ATXN1: variants seen among roughly 807,000 people sequenced by gnomAD.
ATXN1 encodes ataxin-1.
A neutral mutation model predicts 56.4 loss-of-function variants in ATXN1; 8 were observed. That is an observed-to-expected ratio of 0.14 (90% CI 0.08 to 0.26). The LOEUF is 0.26. Among genes scored for constraint, ATXN1 ranks in the 10% least tolerant of loss-of-function variants. ATXN1 has a pLI of 1.00. For missense variants in ATXN1, 987 were observed against 1,106.5 expected (o/e 0.89, Z 1.53); for synonymous variants, 514 against 494.6 (o/e 1.04, Z -0.52).
intron 4 of ATXN1, among the ~76,000 whole-genome samples, chr6:16,562,426 G>A (rs552141989): frequency 7.3e-6 from 1 of 136,154 alleles, no homozygotes; most frequent in Admixed American, 7.5e-5. Context: ...ATGGGGAAGG[G>A]GAAGGAGAAG....
At chr6:16,588,654 C>G (rs1241582601) in intron 3 of ATXN1, among the ~76,000 whole-genome samples, 2 of 152,138 alleles carry the variant, frequency 1.3e-5, no homozygotes, top group Admixed American at 6.5e-5. Flanking sequence ...TTTTCCCCCA[C>G]GAATCAATAA....
intron 3 of ATXN1, among the ~76,000 whole-genome samples, chr6:16,607,723 C>T (rs1396643473): frequency 1.3e-5 from 2 of 152,102 alleles, no homozygotes; most frequent in Non-Finnish European, 2.9e-5. Context: ...CAAGCATATC[C>T]CCAAATTCCT....
intron 3 of ATXN1, among the ~76,000 whole-genome samples, chr6:16,593,992 AAT>A (rs1240822910): frequency 6.7e-6 from 1 of 148,684 alleles, no homozygotes; most frequent in African/African-American, 2.5e-5. Flanking sequence ...ATATTAGACT[AAT>A]ATATGTCTAT....
chr6:16,400,618 C>A (rs1157227374), intron 6 of ATXN1, among the ~76,000 whole-genome samples: 1 of 152,240 alleles, frequency 6.6e-6, no homozygotes, highest in Non-Finnish European at 1.5e-5. Context: ...ACAGTGGCAA[C>A]AACCACATTC....
In ATXN1 at chr6:16,409,811, G is replaced by C. The variant is rs192402685; in HGVS notation, c.-161+76161C>G. 4.0e-3 allele frequency among the ~76,000 whole-genome samples: 611 copies of C among 152,206 alleles called. 1 individual carries two copies. Among genetic ancestry groups the C allele is most frequent in the Non-Finnish European group, 5.6e-3 (380 of 68,006 alleles). ...CCACCCCACAGCCTCACATGTCTTG[G>C]TTTGCGGCTTTTAAACAGCGAGTTC... On this transcript the variant is annotated intron_variant, in intron 6 of 7. Transcript: ENST00000436367.
At chr6:16,404,686 A>G (rs549076930) in intron 6 of ATXN1, among the ~76,000 whole-genome samples, 81 of 132,000 alleles carry the variant, frequency 6.1e-4, no homozygotes, top group African/African-American at 2.1e-3. Context: ...ACGCACATGC[A>G]CGCGCACTCG....
At chr6:16,522,489 T>C (rs6459473) in intron 5 of ATXN1, 138 bp downstream of exon 5, 50,164 of 151,682 alleles carry the variant, frequency 0.33, 8,291 homozygotes, top group Admixed American at 0.35. Context: ...AGTCAAAGAA[T>C]AGGAAAAATA....
chr6:16,349,700 A>ATT (rs1761527974), intron 6 of ATXN1, among the ~76,000 whole-genome samples: 1 of 152,148 alleles, frequency 6.6e-6, no homozygotes, highest in Non-Finnish European at 1.5e-5. Flanking sequence ...TAAGTCTCTA[A>ATT]AATTGTCTTC....
In ATXN1 at chr6:16,326,550, T is replaced by C. The variant is rs1236314681; in HGVS notation, c.1761A>G (p.Leu587=). The change falls in exon 7 of 8, where the codon CTA becomes CTG. Residue 587 remains leucine (L), a synonymous_variant. Coordinates refer to ENST00000436367, the MANE Select transcript of ATXN1 (RefSeq NM_001128164.2). This position sits in a 1 kb window ranked among gnomAD's most constrained non-coding sequence, Gnocchi z 6.6. ...CTGTTTTTAAGTCTTCCACCTTCTT[T>C]AGCTCCCCGTTGGCCAACTGGATGA... ...GSIIQLANGE[L]KKVEDLKTED... is the part of the protein sequence containing the mutation. 6.2e-7 allele frequency: 1 copy of C among 1,614,166 alleles called. No individual in the cohort carries two copies. The highest frequency in any genetic ancestry group is 8.5e-7 in the Non-Finnish European group (1 of 1,180,018).
chr6:16,372,647 C>G (rs1259390387), intron 6 of ATXN1, among the ~76,000 whole-genome samples: 1 of 152,172 alleles, frequency 6.6e-6, no homozygotes, highest in Non-Finnish European at 1.5e-5. Flanking sequence ...GGCACAGTGG[C>G]TCATGTCTGT....
rs574620669 is a variant in ATXN1 at position 16,341,708 on chromosome 6, A to G, written c.-160-13238T>C. Among the ~76,000 whole-genome samples the G allele has an allele frequency of 3.9e-4, 59 of 150,178 alleles. No individual in the cohort carries two copies. In the South Asian group the frequency reaches 5.1e-3, roughly 13 times the overall value. Reference sequence around the variant, plus strand: ...TAATTTTTTTGTATTTTTAGTAGAGATGGGGTTTCACCGTGTTAGCCAGGA... The same window carrying G: ...TAATTTTTTTGTATTTTTAGTAGAGGTGGGGTTTCACCGTGTTAGCCAGGA... On this transcript the variant is annotated intron_variant, in intron 6 of 7. Transcript: ENST00000436367.
At chr6:16,429,643 C>T (rs1444267051) in intron 6 of ATXN1, among the ~76,000 whole-genome samples, 1 of 152,078 alleles carries the variant, frequency 6.6e-6, no homozygotes, top group African/African-American at 2.4e-5. Flanking sequence ...GTCTCAAACT[C>T]CTGGCCTCAG....
chr6:16,319,361 ATGAT>A (rs2113395089), intron 7 of ATXN1, among the ~76,000 whole-genome samples: 1 of 152,354 alleles, frequency 6.6e-6, no homozygotes, highest in African/African-American at 2.4e-5. Flanking sequence ...GACATACCGG[ATGAT>A]TCCAACTGCA....
chr6:16,679,276 G>A (rs143971026), intron 2 of ATXN1, among the ~76,000 whole-genome samples: 1 of 138,172 alleles, frequency 7.2e-6, no homozygotes, highest in African/African-American at 2.8e-5. Flanking sequence ...GAGTTAGTGG[G>A]TGGATGGATG....
chr6:16,562,495 G>C (rs1314010097), intron 4 of ATXN1, among the ~76,000 whole-genome samples: 2 of 149,806 alleles, frequency 1.3e-5, no homozygotes, highest in Admixed American at 6.7e-5. Flanking sequence ...GGAAAGGAAA[G>C]GAAAGGAAAG....
At chr6:16,633,143 T>TA (rs1444270567) in intron 3 of ATXN1, among the ~76,000 whole-genome samples, 10 of 152,210 alleles carry the variant, frequency 6.6e-5, no homozygotes, top group Non-Finnish European at 1.5e-5. Context: ...CTGTTATTGA[T>TA]ATATGGTCAT....
intron 6 of ATXN1, among the ~76,000 whole-genome samples, chr6:16,460,285 T>A (rs536041082): frequency 2.6e-5 from 4 of 152,052 alleles, no homozygotes; most frequent in Non-Finnish European, 5.9e-5. Context: ...CGGGAATAGC[T>A]CTTGGAGTCC....
At chr6:16,496,546 C>T (rs1760784428) in intron 5 of ATXN1, among the ~76,000 whole-genome samples, 1 of 152,102 alleles carries the variant, frequency 6.6e-6, no homozygotes, top group Non-Finnish European at 1.5e-5. Context: ...CGCTACAGGT[C>T]ACACTGCATC....
chr6:16,330,892 C>A (rs906522439), intron 6 of ATXN1, among the ~76,000 whole-genome samples: 1 of 151,956 alleles, frequency 6.6e-6, no homozygotes, highest in Non-Finnish European at 1.5e-5. Context: ...ACAAGAGAGG[C>A]GCTTAAAGAC....
Sources: gnomAD v4.1 joint callset for allele counts (sites outside exome capture counted in the v4.1 genomes callset) on GRCh38, gnomAD v4.1.1 for gene constraint, Gnocchi (gnomAD v3.1) non-coding constraint, MANE v1.5 for transcripts, NCBI Gene and HGNC (gene_info 2026-07-23, HGNC 2026-07-21) for gene names.